Variants in COL4A3 observed in about 807,000 individuals in gnomAD.
COL4A3 encodes the protein collagen type IV alpha 3 chain.
Under a neutral mutation model 217.4 loss-of-function variants are expected in COL4A3, and 135 were observed. That is an observed-to-expected ratio of 0.62 (90% CI 0.54 to 0.72). The LOEUF is 0.72. Ranked by LOEUF, COL4A3 falls within the 30% of genes least tolerant of loss-of-function variation. The pLI is 0.00. For missense variants in COL4A3, 1,868 were observed against 2,119.9 expected (o/e 0.88, Z 2.33); for synonymous variants, 690 against 736.3 (o/e 0.94, Z 1.02).
intron 1 of COL4A3, among the ~76,000 whole-genome samples, chr2:227,199,860 C>T (rs1044157573): frequency 7.9e-5 from 12 of 152,182 alleles, no homozygotes; most frequent in African/African-American, 2.2e-4. Context: ...AAAACTAGTC[C>T]GAAGGATGGA....
chr2:227,282,769 T>C lies in COL4A3; in HGVS notation c.2656+237T>C, dbSNP rs149597719. 6.6e-6 allele frequency among the ~76,000 whole-genome samples: 1 copy of C among 152,334 alleles called. No individual in the cohort carries two copies. The highest frequency in any genetic ancestry group is 1.9e-4 in the East Asian group (1 of 5,182). ...TGTAATCCTTTTTATATACGACTAC[T>C]ATAATATACTTGCTAGTATTTTGTT... On this transcript the variant is annotated intron_variant, in intron 32 of 51. Transcript: ENST00000396578. The surrounding 1 kb of genome is among the most constrained non-coding windows in gnomAD (Gnocchi z 4.4).
intron 1 of COL4A3, among the ~76,000 whole-genome samples, chr2:227,223,561 C>G (rs968713136): frequency 1.7e-5 from 2 of 116,914 alleles, no homozygotes; most frequent in African/African-American, 5.5e-5. Flanking sequence ...TGGTGAGACG[C>G]CCCCCCAACT....
chr2:227,295,539 T>C (rs2072992567), intron 41 of COL4A3, among the ~76,000 whole-genome samples: 1 of 152,256 alleles, frequency 6.6e-6, no homozygotes, highest in African/African-American at 2.4e-5. Flanking sequence ...AATTTCCTAC[T>C]AAGAAAGTCT....
intron 1 of COL4A3, among the ~76,000 whole-genome samples, chr2:227,202,588 A>G (rs959031838): frequency 2.6e-5 from 4 of 151,514 alleles, no homozygotes; most frequent in African/African-American, 9.7e-5. Flanking sequence ...ACAAAAAATT[A>G]GCCGGGCGCG....
At chr2:227,264,351 GC>G (rs998436249) in intron 21 of COL4A3, among the ~76,000 whole-genome samples, 2 of 151,860 alleles carry the variant, frequency 1.3e-5, no homozygotes, top group African/African-American at 2.4e-5. Flanking sequence ...GAGAGGAGCC[GC>G]CCCCCACCTC....
chr2:227,182,884 A>G (rs551075205), intron 1 of COL4A3, among the ~76,000 whole-genome samples: 1 of 152,314 alleles, frequency 6.6e-6, no homozygotes, highest in South Asian at 2.1e-4. Flanking sequence ...TGTGTTTAAT[A>G]TGTTCTGATA....
intron 1 of COL4A3, among the ~76,000 whole-genome samples, chr2:227,236,458 C>A (rs1334716340): frequency 1.3e-5 from 2 of 152,198 alleles, no homozygotes; most frequent in Non-Finnish European, 2.9e-5. Context: ...AAGTAGAATT[C>A]TCCACCTTAG....
At chr2:227,174,862 A>T (rs955096106) in intron 1 of COL4A3, among the ~76,000 whole-genome samples, 1 of 152,180 alleles carries the variant, frequency 6.6e-6, no homozygotes, top group Admixed American at 6.6e-5. Context: ...AAGATAGAAG[A>T]CATAGGCGCT....
intron 28 of COL4A3, among the ~76,000 whole-genome samples, chr2:227,278,369 C>T (rs1182929315): frequency 6.6e-6 from 1 of 152,076 alleles, no homozygotes; most frequent in African/African-American, 2.4e-5. Context: ...TGGATTCTCA[C>T]ATAGAACTGC....
intron 1 of COL4A3, among the ~76,000 whole-genome samples, chr2:227,176,006 G>C (rs2065662088): frequency 6.6e-6 from 1 of 152,114 alleles, no homozygotes; most frequent in African/African-American, 2.4e-5. Flanking sequence ...CAGCAAGATT[G>C]CCAAGCTAGG....
intron 1 of COL4A3, among the ~76,000 whole-genome samples, chr2:227,205,863 G>A (rs1241881408): frequency 1.3e-5 from 2 of 151,448 alleles, no homozygotes; most frequent in Non-Finnish European, 2.9e-5. Context: ...GCAGCATGAT[G>A]CCAAATGTCG....
intron 15 of COL4A3, among the ~76,000 whole-genome samples, chr2:227,255,799 C>T (rs1004109384): frequency 2.6e-5 from 4 of 152,078 alleles, no homozygotes; most frequent in Non-Finnish European, 5.9e-5. Flanking sequence ...CCTTCTCTGA[C>T]TTTCTCCAGT....
intron 1 of COL4A3, among the ~76,000 whole-genome samples, chr2:227,168,293 A>G (rs1014291087): frequency 9.2e-5 from 14 of 152,264 alleles, no homozygotes; most frequent in Non-Finnish European, 1.5e-4. Flanking sequence ...GGTTGTACCA[A>G]CAATGTACCA....
rs1363680371 is a variant in COL4A3 at position 227,254,659 on chromosome 2, C to CT, written c.833dup (p.Pro279AlafsTer8). 6.2e-7 allele frequency: 1 copy of CT among 1,611,190 alleles called. No individual in the cohort carries two copies. The highest frequency in any genetic ancestry group is 2.2e-5 in the East Asian group (1 of 44,852). On this transcript the variant is annotated frameshift_variant, in exon 15 of 52. Coordinates refer to ENST00000396578, the MANE Select transcript of COL4A3 (RefSeq NM_000091.5). LOFTEE classifies it high-confidence loss of function. ...GACATGGCTCTAATTAATACAGGGA[C>CT]TGCCTGGAGAATCATATGGATCTGA...
At chr2:227,207,676 C>T (rs763251946) in intron 1 of COL4A3, among the ~76,000 whole-genome samples, 5 of 152,180 alleles carry the variant, frequency 3.3e-5, no homozygotes, top group Non-Finnish European at 7.3e-5. Flanking sequence ...GGCATTGGAG[C>T]TGGTGTCTTC....
intron 18 of COL4A3, 86 bp downstream of exon 18, chr2:227,257,730 T>G (rs1574711556): frequency 3.2e-5 from 37 of 1,160,190 alleles, no homozygotes; most frequent in Non-Finnish European, 4.6e-5. Context: ...TGTCTCTCAT[T>G]AACTGTGTGA....
intron 9 of COL4A3, among the ~76,000 whole-genome samples, chr2:227,249,232 T>TATATATATATA (rs1559865184): frequency 1.4e-4 from 2 of 14,196 alleles, no homozygotes; most frequent in African/African-American, 3.7e-4. Context: ...ATATATATAT[T>TATATATATATA]TTTTTTTTTT....
chr2:227,260,038 C>T (rs2070450535), intron 19 of COL4A3, 161 bp downstream of exon 19: 1 of 758,354 alleles, frequency 1.3e-6, no homozygotes, highest in Admixed American at 1.7e-5. Context: ...TCCTGCTCTT[C>T]ATATTTTTAT....
intron 9 of COL4A3, among the ~76,000 whole-genome samples, chr2:227,248,801 A>G (rs1308893138): frequency 1.3e-5 from 2 of 152,174 alleles, no homozygotes; most frequent in Non-Finnish European, 2.9e-5. Context: ...GCTTGCCTGA[A>G]TCTAACAGGA....
Sources: allele counts gnomAD v4.1 joint callset (sites outside exome capture counted in the v4.1 genomes callset), GRCh38; gene constraint gnomAD v4.1.1; non-coding constraint Gnocchi (gnomAD v3.1); transcripts MANE v1.5; gene names NCBI Gene and HGNC (gene_info 2026-07-23, HGNC 2026-07-21).